Variants in CTNNA2 observed in about 807,000 individuals in gnomAD.
CTNNA2 encodes catenin alpha-2.
CTNNA2 carries 42 observed loss-of-function variants against 101.0 expected under a neutral mutation model. That is an observed-to-expected ratio of 0.42 (90% CI 0.32 to 0.54). The LOEUF (loss-of-function observed/expected upper bound fraction) is 0.54. Ranked by LOEUF, CTNNA2 falls within the 20% of genes least tolerant of loss-of-function variation. The pLI, the probability that CTNNA2 is intolerant of heterozygous loss-of-function variation, is 0.14. For missense variants in CTNNA2, 871 were observed against 1,223.1 expected (o/e 0.71, Z 4.29); for synonymous variants, 450 against 456.4 (o/e 0.99, Z 0.18).
chr2:79,521,648 A>T (rs1010809583), intron 1 of CTNNA2, among the ~76,000 whole-genome samples: 1 of 152,138 alleles, frequency 6.6e-6, no homozygotes, highest in Admixed American at 6.5e-5. Context: ...AATGAGGAAG[A>T]GGTAAATGAT....
At chr2:80,204,151 GGCT>G (rs961214313) in intron 7 of CTNNA2, among the ~76,000 whole-genome samples, 1 of 152,172 alleles carries the variant, frequency 6.6e-6, no homozygotes, top group Non-Finnish European at 1.5e-5. Flanking sequence ...TGATGGGAGG[GGCT>G]GCCGCAAAGT....
At chr2:80,208,033 G>A (rs937433886) in intron 7 of CTNNA2, among the ~76,000 whole-genome samples, 1 of 152,212 alleles carries the variant, frequency 6.6e-6, no homozygotes, top group African/African-American at 2.4e-5. Context: ...TGTGGATCTG[G>A]ATAAGTAGCT....
intron 4 of CTNNA2, among the ~76,000 whole-genome samples, chr2:79,380,233 G>C (rs1678024000): frequency 6.8e-6 from 1 of 148,050 alleles, no homozygotes; most frequent in South Asian, 2.2e-4. Flanking sequence ...ATTGCAGTAG[G>C]GTTGAAGATT....
chr2:79,423,493 A>G (rs745375146), intron 4 of CTNNA2, among the ~76,000 whole-genome samples: 57 of 152,222 alleles, frequency 3.7e-4, no homozygotes, highest in Non-Finnish European at 7.2e-4. Context: ...AGTAATACAT[A>G]CACAAAAAAA....
chr2:80,339,300 G>C (rs921706280), intron 7 of CTNNA2, among the ~76,000 whole-genome samples: 9 of 152,094 alleles, frequency 5.9e-5, no homozygotes, highest in Non-Finnish European at 1.2e-4. Flanking sequence ...ATGATTTATA[G>C]TTTGAGTTGC....
At chr2:80,590,431 AGT>A (rs71386636) in intron 15 of CTNNA2, among the ~76,000 whole-genome samples, 48,733 of 148,654 alleles carry the variant, frequency 0.33, 9,044 homozygotes, top group East Asian at 0.46. Context: ...GTTTTACTGT[AGT>A]GTTTTTTTTT....
chr2:80,406,186 T>C (rs1160172829), intron 8 of CTNNA2, among the ~76,000 whole-genome samples: 1 of 151,980 alleles, frequency 6.6e-6, no homozygotes, highest in Non-Finnish European at 1.5e-5. Context: ...TGAAACCCCA[T>C]CTCTACTAAA....
At chr2:79,909,532 G>A (rs1053098568) in intron 6 of CTNNA2, 62 bp from the exon 7 acceptor site, 1 of 1,377,482 alleles carries the variant, frequency 7.3e-7, no homozygotes, top group Non-Finnish European at 1.0e-6. Context: ...TTTCAAAACA[G>A]GGTGCCAAGG....
At chr2:79,974,142 C>T (rs753154750) in intron 7 of CTNNA2, among the ~76,000 whole-genome samples, 7 of 152,032 alleles carry the variant, frequency 4.6e-5, no homozygotes, top group African/African-American at 1.7e-4. Flanking sequence ...AAAACTTTCG[C>T]AGGTGTATCA....
At chr2:80,487,914 ACCT>A (rs1389373456) in intron 9 of CTNNA2, among the ~76,000 whole-genome samples, 4 of 152,086 alleles carry the variant, frequency 2.6e-5, no homozygotes, top group South Asian at 2.1e-4. Flanking sequence ...GTGACCATTG[ACCT>A]CCTCCAATTT....
At chr2:80,287,370 C>A (rs916708890) in intron 7 of CTNNA2, among the ~76,000 whole-genome samples, 3 of 152,152 alleles carry the variant, frequency 2.0e-5, no homozygotes, top group African/African-American at 7.2e-5. Context: ...ACTGCTGTCA[C>A]ATATACTACT....
intron 1 of CTNNA2, among the ~76,000 whole-genome samples, chr2:79,642,767 A>G (rs1181045529): frequency 2.9e-5 from 4 of 139,408 alleles, no homozygotes; most frequent in African/African-American, 1.2e-4. Context: ...ATAATACAAA[A>G]GATTTCTCCT....
At chr2:80,334,256 A>T (rs1242309343) in intron 7 of CTNNA2, among the ~76,000 whole-genome samples, 1 of 152,160 alleles carries the variant, frequency 6.6e-6, no homozygotes, top group African/African-American at 2.4e-5. Context: ...TAAAATTCAC[A>T]TATAATCATG....
At chr2:79,642,700 C>T (rs1004824258) in intron 1 of CTNNA2, among the ~76,000 whole-genome samples, 1 of 151,996 alleles carries the variant, frequency 6.6e-6, no homozygotes, top group Non-Finnish European at 1.5e-5. Flanking sequence ...GTTGTCATGG[C>T]AGAGTGTATT....
intron 3 of CTNNA2, among the ~76,000 whole-genome samples, chr2:79,329,395 T>C (rs1007537069): frequency 6.6e-6 from 1 of 152,182 alleles, no homozygotes; most frequent in African/African-American, 2.4e-5. Context: ...GAATACAAAT[T>C]ACTTGTCTAA....
At chr2:79,941,547 G>C (rs1688164194) in intron 7 of CTNNA2, among the ~76,000 whole-genome samples, 1 of 152,184 alleles carries the variant, frequency 6.6e-6, no homozygotes. Context: ...GATTTCTATA[G>C]GTGGGCTAGC....
At chr2:79,587,790 C>T (rs1412363523) in intron 1 of CTNNA2, among the ~76,000 whole-genome samples, 1 of 152,108 alleles carries the variant, frequency 6.6e-6, no homozygotes, top group Non-Finnish European at 1.5e-5. Flanking sequence ...CTCTCTAAAC[C>T]CAGCTCAAAC....
chr2:79,589,708 C>CT (rs35614745), intron 1 of CTNNA2, among the ~76,000 whole-genome samples: 2 of 69,084 alleles, frequency 2.9e-5, no homozygotes, highest in Admixed American at 1.2e-4. Context: ...TTTTCCAGAT[C>CT]TTTTTTTTTC....
At chr2:80,629,343 A>G (rs1672035225) in intron 18 of CTNNA2, among the ~76,000 whole-genome samples, 1 of 152,094 alleles carries the variant, frequency 6.6e-6, no homozygotes, top group South Asian at 2.1e-4. Flanking sequence ...TACAGAAAGG[A>G]ATAACCTCAA....
Sources: gnomAD v4.1 joint callset for allele counts (sites outside exome capture counted in the v4.1 genomes callset) on GRCh38, gnomAD v4.1.1 for gene constraint, MANE v1.5 for transcripts, NCBI Gene and HGNC (gene_info 2026-07-23, HGNC 2026-07-21) for gene names.